The following FHIT variants were observed in gnomAD, a reference collection of about 807,000 sequenced individuals.
FHIT encodes the protein fragile histidine triad diadenosine triphosphatase, also known as bis(5'-adenosyl)-triphosphatase.
Under a neutral mutation model 17.9 loss-of-function variants are expected in FHIT, and 19 were observed. That is an observed-to-expected ratio of 1.06 (90% CI 0.74 to 1.56). The LOEUF (loss-of-function observed/expected upper bound fraction) is 1.56. Ranked by LOEUF, FHIT falls within the 40% of genes most tolerant of loss-of-function variation. The pLI is 0.00. For synonymous variants in FHIT, 81 were observed against 69.7 expected (o/e 1.16, Z -0.81); for missense variants, 248 against 189.2 (o/e 1.31, Z -1.82).
At chr3:61,074,403 C>T (rs570796626) in intron 2 of FHIT, among the ~76,000 whole-genome samples, 1 of 152,288 alleles carries the variant, frequency 6.6e-6, no homozygotes, top group South Asian at 2.1e-4. Flanking sequence ...AGAGGTTGAA[C>T]ACTGGTGACC....
chr3:60,059,028 A>AGTAG, intron 5 of FHIT, among the ~76,000 whole-genome samples: 2 of 152,328 alleles, frequency 1.3e-5, no homozygotes, highest in East Asian at 3.9e-4. Context: ...AAAATGTTAC[A>AGTAG]GTAGGTAGGT....
intron 5 of FHIT, among the ~76,000 whole-genome samples, chr3:60,215,600 C>T (rs958385369): frequency 6.6e-6 from 1 of 152,066 alleles, no homozygotes; most frequent in African/African-American, 2.4e-5. Context: ...GGCACAGAAG[C>T]ATCAAATGTG....
chr3:61,001,807 T>A (rs992594125), intron 3 of FHIT, among the ~76,000 whole-genome samples: 3 of 152,168 alleles, frequency 2.0e-5, no homozygotes, highest in Non-Finnish European at 2.9e-5. Flanking sequence ...CACACACAAA[T>A]GAGTACCTGC....
intron 7 of FHIT, among the ~76,000 whole-genome samples, chr3:60,000,136 C>T (rs904771625): frequency 6.6e-6 from 1 of 152,192 alleles, no homozygotes; most frequent in African/African-American, 2.4e-5. Flanking sequence ...AGCCCATCCA[C>T]AACTAATGCA....
At chr3:60,348,606 T>A (rs75372198) in intron 5 of FHIT, among the ~76,000 whole-genome samples, 3,001 of 152,306 alleles carry the variant, frequency 0.02, 93 homozygotes, top group African/African-American at 0.068. Context: ...TACCTGGGAC[T>A]TGGCAATAAG....
intron 3 of FHIT, among the ~76,000 whole-genome samples, chr3:60,945,953 G>C (rs1708623206): frequency 6.6e-6 from 1 of 152,162 alleles, no homozygotes; most frequent in Non-Finnish European, 1.5e-5. Flanking sequence ...CAGCATAGTT[G>C]TGTGTCCTCC....
intron 5 of FHIT, among the ~76,000 whole-genome samples, chr3:60,444,863 A>C (rs1361542023): frequency 2.0e-5 from 3 of 152,078 alleles, no homozygotes; most frequent in Non-Finnish European, 4.4e-5. Flanking sequence ...ATTTTAAAAA[A>C]AAAGAAAGAA....
intron 5 of FHIT, among the ~76,000 whole-genome samples, chr3:60,528,523 G>C (rs1197025461): frequency 1.3e-5 from 2 of 152,138 alleles, no homozygotes; most frequent in African/African-American, 4.8e-5. Context: ...AGGAGGCTAA[G>C]TTCAGTGTGA....
At position 60,656,976 on chromosome 3, in the gene FHIT, C is replaced by CCA. The variant is rs534785217; in HGVS notation, c.-17-119999_-17-119998dup. Among the ~76,000 whole-genome samples, 464 of 58,874 alleles carry CCA rather than the reference C, an allele frequency of 7.9e-3. 2 individuals are homozygous for CCA. The highest frequency in any genetic ancestry group is 0.013 in the South Asian group (18 of 1,388). 38.6% of individuals were successfully genotyped at this position (58,874 alleles called of 152,430 possible). A position where few individuals can be genotyped will look rare whatever the true frequency, so the allele number is the denominator to read the frequency against. ...TTTCTGAAAGGGAATTTTTTTATGT[C>CCA]CACACAAAAAAAAACATCCAGGACA... On this transcript the variant is annotated intron_variant, in intron 4 of 9. Transcript: ENST00000492590.
intron 8 of FHIT, among the ~76,000 whole-genome samples, chr3:59,901,489 A>AGCTATACAAATGACCAAGGG (rs953919251): frequency 5.9e-5 from 9 of 152,218 alleles, no homozygotes; most frequent in Admixed American, 2.0e-4. Flanking sequence ...CCTCCAAAGA[A>AGCTATACAAATGACCAAGGG]GCTATACAAA....
chr3:60,117,184 G>C (rs888179828), intron 5 of FHIT, among the ~76,000 whole-genome samples: 3 of 152,106 alleles, frequency 2.0e-5, no homozygotes, highest in African/African-American at 4.8e-5. Context: ...TAGTTGGCTT[G>C]AATTCCAGAA....
intron 3 of FHIT, among the ~76,000 whole-genome samples, chr3:61,027,684 T>A (rs1337588677): frequency 1.3e-5 from 2 of 152,200 alleles, no homozygotes; most frequent in African/African-American, 4.8e-5. Flanking sequence ...TCCAGTATTA[T>A]AAACTATCAT....
intron 4 of FHIT, among the ~76,000 whole-genome samples, chr3:60,738,597 G>C (rs1273225909): frequency 6.6e-6 from 1 of 152,242 alleles, no homozygotes; most frequent in Non-Finnish European, 1.5e-5. Context: ...ATTTGAAGAA[G>C]AGCTATCCCT....
At chr3:59,803,238 C>A (rs1700069170) in intron 8 of FHIT, among the ~76,000 whole-genome samples, 1 of 152,156 alleles carries the variant, frequency 6.6e-6, no homozygotes, top group South Asian at 2.1e-4. Flanking sequence ...TCTGAGATAT[C>A]CCTCCCAATT....
intron 3 of FHIT, among the ~76,000 whole-genome samples, chr3:60,886,899 C>CTGA (rs1484984921): frequency 6.6e-6 from 1 of 152,154 alleles, no homozygotes; most frequent in African/African-American, 2.4e-5. Flanking sequence ...GTACAAATGT[C>CTGA]TTTTCAGAGT....
intron 5 of FHIT, among the ~76,000 whole-genome samples, chr3:60,354,033 G>C (rs569696501): frequency 6.6e-6 from 1 of 152,030 alleles, no homozygotes. Context: ...TTTCTATCAC[G>C]ATGATGGGCT....
rs181845112 is a variant in FHIT, at chr3:60,517,877, T to C, written c.103+18983A>G. Among the ~76,000 whole-genome samples, 23 of 152,314 alleles carry C rather than the reference T, an allele frequency of 1.5e-4. No individual in the cohort carries two copies. The East Asian group carries it at 4.1e-3, about 27-fold the overall frequency. ...AAACACCGCTGTGCTTCTAGAACCA[T>C]ACTGCCCGGTTCATCATGACACTCC... On this transcript the variant is annotated intron_variant, in intron 5 of 9. Coordinates refer to ENST00000492590, the MANE Select transcript of FHIT (RefSeq NM_002012.4).
intron 3 of FHIT, among the ~76,000 whole-genome samples, chr3:60,902,835 T>C (rs1559814803): frequency 6.6e-6 from 1 of 152,184 alleles, no homozygotes; most frequent in Admixed American, 6.6e-5. Context: ...AGGCCAATTT[T>C]GATTATATCC....
At chr3:60,090,173 C>CT (rs1487151580) in intron 5 of FHIT, among the ~76,000 whole-genome samples, 1 of 152,066 alleles carries the variant, frequency 6.6e-6, no homozygotes, top group Non-Finnish European at 1.5e-5. Flanking sequence ...CATGACAATG[C>CT]TACAATTAAT....
Sources: gnomAD v4.1 joint callset for allele counts (sites outside exome capture counted in the v4.1 genomes callset) on GRCh38, gnomAD v4.1.1 for gene constraint, MANE v1.5 for transcripts, NCBI Gene and HGNC (gene_info 2026-07-23, HGNC 2026-07-21) for gene names.